Variants in CDC42BPA observed in about 807,000 individuals in gnomAD.
CDC42BPA encodes the protein serine/threonine-protein kinase MRCK alpha.
In CDC42BPA, 80 loss-of-function variants were observed where a neutral mutation model predicts 223.5. The ratio of observed to expected loss-of-function variants is 0.36; its 90% CI spans 0.30 to 0.43. CDC42BPA has a LOEUF of 0.43. Among genes scored for constraint, CDC42BPA ranks in the 20% least tolerant of loss-of-function variants. The pLI, the probability that CDC42BPA is intolerant of heterozygous loss-of-function variation, is 1.00. For synonymous variants in CDC42BPA, 694 were observed against 718.6 expected (o/e 0.97, Z 0.55); for missense variants, 1,743 against 2,099.9 (o/e 0.83, Z 3.32).
At chr1:227,084,960 G>C (rs1681535885) in intron 16 of CDC42BPA, among the ~76,000 whole-genome samples, 1 of 152,144 alleles carries the variant, frequency 6.6e-6, no homozygotes, top group Admixed American at 6.5e-5. Flanking sequence ...CCAATAGTAG[G>C]GGGGAACATC....
intron 34 of CDC42BPA, among the ~76,000 whole-genome samples, chr1:227,009,975 T>A (rs1445791251): frequency 5.9e-5 from 9 of 152,200 alleles, no homozygotes; most frequent in African/African-American, 2.2e-4. Context: ...CAAAAATTGA[T>A]CTACTATTGT....
intron 2 of CDC42BPA, among the ~76,000 whole-genome samples, chr1:227,240,779 G>A (rs1256781712): frequency 3.3e-5 from 5 of 151,108 alleles, no homozygotes; most frequent in Non-Finnish European, 7.4e-5. Flanking sequence ...GCTAAAAATA[G>A]AAGGCTTTTA....
chr1:227,040,197 G>T lies in CDC42BPA; in HGVS notation c.3133C>A (p.Pro1045Thr). 6.2e-7 allele frequency: 1 copy of T among 1,613,122 alleles called. No individual in the cohort carries two copies. The highest frequency in any genetic ancestry group is 8.5e-7 in the Non-Finnish European group (1 of 1,179,268). ...GAGGTACACTGATGACACTTGGTAGGAGTAGTAAAAGATTTTACAAAAAAC... is the reference window on the plus strand; with the variant it reads ...GAGGTACACTGATGACACTTGGTAGTAGTAGTAAAAGATTTTACAAAAAAC... ...HQFFVKSFTT[P>T]TKCHQCTSLM... Residue 1045 changes from proline (P) to threonine (T), a missense_variant, in exon 24 of 37, where the codon CCT (proline) becomes ACT (threonine). By Grantham distance (38) the Pro-to-Thr change is conservative. Transcript: ENST00000366766.
intron 2 of CDC42BPA, among the ~76,000 whole-genome samples, chr1:227,239,129 T>A (rs1679592339): frequency 1.3e-5 from 2 of 152,154 alleles, no homozygotes; most frequent in South Asian, 4.1e-4. Flanking sequence ...TTTAAAGATG[T>A]AGAGGAACCA....
chr1:227,149,305 G>A (rs781433777), intron 6 of CDC42BPA, among the ~76,000 whole-genome samples: 2 of 152,104 alleles, frequency 1.3e-5, no homozygotes, highest in Non-Finnish European at 2.9e-5. Flanking sequence ...CCAAGAAACC[G>A]GCATTAACAC....
intron 1 of CDC42BPA, among the ~76,000 whole-genome samples, chr1:227,268,134 C>T (rs554020352): frequency 4.5e-4 from 68 of 152,254 alleles, no homozygotes; most frequent in Non-Finnish European, 8.7e-4. Context: ...TTGAAGTTAA[C>T]TATTTCTGAA....
chr1:227,179,782 G>GA (rs5781474), intron 5 of CDC42BPA, among the ~76,000 whole-genome samples: 16,521 of 148,618 alleles, frequency 0.11, 1,141 homozygotes, highest in South Asian at 0.21. Flanking sequence ...AAAAAAGTTT[G>GA]AAAAAAAAAA....
At chr1:227,107,363 T>C (rs78292385) in intron 14 of CDC42BPA, among the ~76,000 whole-genome samples, 8,202 of 152,254 alleles carry the variant, frequency 0.054, 250 homozygotes, top group Non-Finnish European at 0.072. Flanking sequence ...ACACAACTGA[T>C]TGCTATGTGT....
intron 34 of CDC42BPA, among the ~76,000 whole-genome samples, chr1:227,009,974 A>G (rs1664847850): frequency 6.6e-6 from 1 of 152,296 alleles, no homozygotes; most frequent in Admixed American, 6.5e-5. Context: ...ACAAAAATTG[A>G]TCTACTATTG....
chr1:227,197,740 CA>C (rs774070384), intron 4 of CDC42BPA, among the ~76,000 whole-genome samples: 103 of 152,112 alleles, frequency 6.8e-4, no homozygotes, highest in Middle Eastern at 3.4e-3. Flanking sequence ...TTACAGAATA[CA>C]CTGTCATAGT....
At chr1:227,211,702 G>A (rs1673932148) in intron 3 of CDC42BPA, among the ~76,000 whole-genome samples, 1 of 152,018 alleles carries the variant, frequency 6.6e-6, no homozygotes, top group Non-Finnish European at 1.5e-5. Context: ...ATTTATAAGT[G>A]GAAGCTAAAC....
chr1:227,265,156 T>C, intron 1 of CDC42BPA: 1 of 714,120 alleles, frequency 1.4e-6, no homozygotes, highest in Non-Finnish European at 2.6e-6. Context: ...AGCAACCACT[T>C]CCACAGTGGT....
chr1:227,256,934 GATATAT>G lies in CDC42BPA; in HGVS notation c.179-2785_179-2780del, dbSNP rs139902680. 2.6e-3 allele frequency among the ~76,000 whole-genome samples: 256 copies of G among 98,450 alleles called. 1 individual carries two copies. Among genetic ancestry groups the G allele is most frequent in the Middle Eastern group, 0.016 (3 of 186 alleles). The allele number at this position is 98,450 out of a possible 152,430, so 64.6% of individuals were successfully genotyped here. On this transcript the variant is annotated intron_variant, in intron 1 of 36. Transcript: ENST00000366766. The stretch of plus-strand genomic sequence containing the variant: ...AGAGATGAACAGATAAACAAAATGT[GATATAT>G]ATATACAGACACACACACACACACA...
rs921481299 is a variant in CDC42BPA at position 227,188,617 on chromosome 1, G to A, written c.599+5169C>T. Among the ~76,000 whole-genome samples the A allele has an allele frequency of 6.6e-5, 10 of 152,196 alleles. No individual in the cohort carries two copies. In the East Asian group the frequency reaches 7.7e-4, roughly 12 times the overall value. On this transcript the variant is annotated intron_variant, in intron 5 of 36. Coordinates refer to ENST00000366766, the MANE Select transcript of CDC42BPA (RefSeq NM_001394014.1). ...AATCTGAAAAGTCTATAAACTGTACGATTCCAACTATATGATATTCTGGAA... is the reference window on the plus strand; with the variant it reads ...AATCTGAAAAGTCTATAAACTGTACAATTCCAACTATATGATATTCTGGAA...
chr1:227,224,993 A>G (rs929382631), intron 2 of CDC42BPA, among the ~76,000 whole-genome samples: 2 of 152,204 alleles, frequency 1.3e-5, no homozygotes, highest in Non-Finnish European at 2.9e-5. Context: ...AAAAATCTTT[A>G]TATTCATGGA....
At chr1:227,133,320 G>A (rs1257389476) in intron 10 of CDC42BPA, among the ~76,000 whole-genome samples, 6 of 147,650 alleles carry the variant, frequency 4.1e-5, no homozygotes, top group African/African-American at 7.6e-5. Context: ...CCGGCCAGCC[G>A]CCCAGTCCGG....
intron 35 of CDC42BPA, among the ~76,000 whole-genome samples, chr1:226,999,400 T>C (rs1301650378): frequency 6.6e-6 from 1 of 152,096 alleles, no homozygotes; most frequent in African/African-American, 2.4e-5. Flanking sequence ...ATGGTCTCGA[T>C]CTCCTGACCT....
intron 15 of CDC42BPA, among the ~76,000 whole-genome samples, chr1:227,094,156 A>G (rs755951809): frequency 7.2e-5 from 11 of 152,246 alleles, no homozygotes; most frequent in Non-Finnish European, 1.6e-4. Flanking sequence ...TGGGCAGCAT[A>G]CAGAAATGAA....
chr1:227,128,212 C>A (rs915751701), intron 11 of CDC42BPA, among the ~76,000 whole-genome samples: 1 of 152,190 alleles, frequency 6.6e-6, no homozygotes, highest in African/African-American at 2.4e-5. Flanking sequence ...TTTGCACCGG[C>A]TAGTCCTTCT....
Sources: allele counts gnomAD v4.1 joint callset (sites outside exome capture counted in the v4.1 genomes callset), GRCh38; gene constraint gnomAD v4.1.1; transcripts MANE v1.5; gene names NCBI Gene and HGNC (gene_info 2026-07-23, HGNC 2026-07-21).